The following AQP9 variants were observed in gnomAD, a reference collection of about 807,000 sequenced individuals.
AQP9 encodes the protein aquaporin 9.
In AQP9, 19 loss-of-function variants were observed where a neutral mutation model predicts 23.8. That is an observed-to-expected ratio of 0.80 (90% CI 0.56 to 1.17). The LOEUF (loss-of-function observed/expected upper bound fraction) is 1.17, where lower values mean the gene tolerates loss of function less well. Among genes scored for constraint, AQP9 ranks in the 50% most tolerant of loss-of-function variants. The probability of loss-of-function intolerance (pLI) is 0.00; values close to 1 mark genes in which losing one functional copy is unlikely to be tolerated. For synonymous variants in AQP9, 153 were observed against 131.5 expected, an observed-to-expected ratio of 1.16 and a Z score of -1.12; for missense variants, 413 against 362.0, an observed-to-expected ratio of 1.14 and a Z score of -1.14.
At chr15:58,177,343 A>G (rs1898781151) in intron 4 of AQP9, among the ~76,000 whole-genome samples, 1 of 152,184 alleles carries the variant, frequency 6.6e-6, no homozygotes. Context: ...CAATCTAACA[A>G]GTAAGTAGAT....
chr15:58,173,221 G>T lies in AQP9; in HGVS notation c.376+16G>T. 6.2e-7 allele frequency: 1 copy of T among 1,613,896 alleles called. No individual in the cohort carries two copies. The highest frequency in any genetic ancestry group is 1.1e-5 in the South Asian group (1 of 91,064). Reference sequence around the variant, plus strand: ...ATTTACTATGGTGAGTAAAGTCCCTGAGTCCTAAGGTTAGGAAGAGCTGGG... The same window carrying T: ...ATTTACTATGGTGAGTAAAGTCCCTTAGTCCTAAGGTTAGGAAGAGCTGGG... On this transcript the variant is annotated intron_variant, in intron 3 of 5. Coordinates refer to ENST00000219919, the MANE Select transcript of AQP9 (RefSeq NM_020980.5).
intron 1 of AQP9, among the ~76,000 whole-genome samples, chr15:58,160,346 G>T (rs1251080914): frequency 6.6e-6 from 1 of 151,490 alleles, no homozygotes; most frequent in Non-Finnish European, 1.5e-5. Context: ...CAGATTATTT[G>T]GATTTTGTTT....
rs145851219 is a variant in AQP9 at position 58,168,308 on chromosome 15, G to A, written c.238+1509G>A. On this transcript the variant is annotated intron_variant, in intron 2 of 5. Coordinates refer to ENST00000219919, the MANE Select transcript of AQP9 (RefSeq NM_020980.5). ...AGCCTCCCAAAGTGCTAGGATTACA[G>A]GCATGAGCCACCACACCCAGCCAAC... Among the ~76,000 whole-genome samples, 633 of 152,148 alleles carry A rather than the reference G, an allele frequency of 4.2e-3. 8 individuals carry two copies. The highest frequency in any genetic ancestry group is 0.014 in the African/African-American group (581 of 41,512).
chr15:58,180,534 T>A (rs1005847938), intron 5 of AQP9, among the ~76,000 whole-genome samples: 2 of 152,114 alleles, frequency 1.3e-5, no homozygotes, highest in East Asian at 1.9e-4. Flanking sequence ...TAAAAAGGTA[T>A]TGAATAAAAG....
In AQP9 at chr15:58,172,481, T is replaced by C. The variant is rs561038708; in HGVS notation, c.239-587T>C. ...AGGAAAGGGTTGCTACATTTCTGTA[T>C]AGGAGAGAAATGCATTGTTTATGCA... On this transcript the variant is annotated intron_variant, in intron 2 of 5. Coordinates refer to ENST00000219919, the MANE Select transcript of AQP9 (RefSeq NM_020980.5). Among the ~76,000 whole-genome samples, 9 of 152,290 alleles carry C rather than the reference T, an allele frequency of 5.9e-5. No homozygotes were observed. In the East Asian group the frequency reaches 1.5e-3, roughly 26 times the overall value.
At chr15:58,140,147 T>C (rs942265028) in intron 1 of AQP9, among the ~76,000 whole-genome samples, 31 of 151,710 alleles carry the variant, frequency 2.0e-4, no homozygotes, top group African/African-American at 6.8e-4. Flanking sequence ...CAAATTCAGT[T>C]ACAATTCTTA....
chr15:58,163,725 T>C (rs1898437374), intron 1 of AQP9, among the ~76,000 whole-genome samples: 1 of 152,044 alleles, frequency 6.6e-6, no homozygotes, highest in Non-Finnish European at 1.5e-5. Flanking sequence ...GAAGGTGAGA[T>C]CAGGGAATCA....
chr15:58,148,612 G>C (rs2140590533), intron 1 of AQP9, among the ~76,000 whole-genome samples: 1 of 152,278 alleles, frequency 6.6e-6, no homozygotes, highest in South Asian at 2.1e-4. Context: ...CAGTTATCCT[G>C]ATGCAAACAC....
chr15:58,152,512 A>C (rs1361736921), intron 1 of AQP9: 1 of 152,176 alleles, frequency 6.6e-6, no homozygotes, highest in Admixed American at 6.6e-5. Flanking sequence ...TGCATACTGT[A>C]AATATAGTAT....
chr15:58,140,610 A>C (rs1897934933), intron 1 of AQP9, among the ~76,000 whole-genome samples: 1 of 152,202 alleles, frequency 6.6e-6, no homozygotes, highest in Non-Finnish European at 1.5e-5. Flanking sequence ...TTTTGCTGAA[A>C]GTTTATCCAA....
chr15:58,175,577 A>G (rs1342427176), intron 4 of AQP9, among the ~76,000 whole-genome samples: 1 of 152,206 alleles, frequency 6.6e-6, no homozygotes, highest in African/African-American at 2.4e-5. Context: ...TAGCACACCT[A>G]TTTGGTCAGC....
At position 58,183,328 on chromosome 15, in the gene AQP9, C is replaced by A. The variant is rs541856001; in HGVS notation, c.714-633C>A. 2.0e-5 allele frequency among the ~76,000 whole-genome samples: 3 copies of A among 152,322 alleles called. No individual in the cohort carries two copies. In the South Asian group the frequency reaches 6.2e-4, roughly 32 times the overall value. On this transcript the variant is annotated intron_variant, in intron 5 of 5. Transcript: ENST00000219919. The stretch of plus-strand genomic sequence containing the variant: ...ACAACTCACAAAGATACCTGCTTTT[C>A]CCCAGAACTATAGCTTTGCTGTAAT...
intron 1 of AQP9, among the ~76,000 whole-genome samples, chr15:58,154,709 C>T (rs1356045952): frequency 6.6e-6 from 1 of 152,020 alleles, no homozygotes; most frequent in Admixed American, 6.6e-5. Context: ...TTATACCACC[C>T]AAATAAATTA....
At chr15:58,147,208 A>T (rs541459620) in intron 1 of AQP9, among the ~76,000 whole-genome samples, 2 of 149,962 alleles carry the variant, frequency 1.3e-5, no homozygotes, top group East Asian at 3.9e-4. Flanking sequence ...AAGGGGAAGT[A>T]TTTTTTTTTT....
rs1898998658 is a variant in AQP9, at chr15:58,185,263, A to T, written c.*1128A>T. The T allele has an allele frequency of 6.5e-6, 1 of 152,676 alleles. No homozygotes were observed. The highest frequency in any genetic ancestry group is 2.4e-5 in the African/African-American group (1 of 41,474). 9.5% of individuals were successfully genotyped at this position (152,676 alleles called of 1,614,324 possible). A position where few individuals can be genotyped will look rare whatever the true frequency, so the allele number is the denominator to read the frequency against. On this transcript the variant is annotated 3_prime_UTR_variant, in exon 6 of 6. Coordinates refer to ENST00000219919, the MANE Select transcript of AQP9 (RefSeq NM_020980.5). ...AAGAGCACACTGAAAGTTGAATGTT[A>T]TCTAATGCATTCCTCTACCTTTCAG...
At chr15:58,138,953 CTAAAA>C (rs1415135817) in intron 1 of AQP9, 6 of 301,794 alleles carry the variant, frequency 2.0e-5, no homozygotes, top group African/African-American at 1.3e-4. Flanking sequence ...TACTTATACT[CTAAAA>C]TGGCTTTGTG....
chr15:58,153,406 T>C (rs1201984376), intron 1 of AQP9: 6 of 152,138 alleles, frequency 3.9e-5, no homozygotes, highest in African/African-American at 1.2e-4. Flanking sequence ...GAAAATAATC[T>C]ATGAATCCAA....
chr15:58,152,482 C>T (rs1441617968), intron 1 of AQP9: 1 of 151,992 alleles, frequency 6.6e-6, no homozygotes, highest in Non-Finnish European at 1.5e-5. Context: ...ATCCTTAAAC[C>T]CTAAGATTAT....
chr15:58,179,026 A>G (rs767850138), intron 4 of AQP9, 102 bp from the exon 5 acceptor site: 3 of 788,366 alleles, frequency 3.8e-6, no homozygotes, highest in Non-Finnish European at 6.1e-6. Flanking sequence ...TAAGTAAAAT[A>G]GTAATATTGT....
Sources: gnomAD v4.1 joint callset for allele counts (sites outside exome capture counted in the v4.1 genomes callset) on GRCh38, gnomAD v4.1.1 for gene constraint, MANE v1.5 for transcripts, NCBI Gene and HGNC (gene_info 2026-07-23, HGNC 2026-07-21) for gene names.